Variants in OGFOD1 observed in about 807,000 individuals in gnomAD.
OGFOD1 encodes 2-oxoglutarate and iron dependent oxygenase domain containing 1, also known as prolyl 3-hydroxylase OGFOD1.
Under a neutral mutation model 67.7 loss-of-function variants are expected in OGFOD1, and 54 were observed. That is an observed-to-expected ratio of 0.80 (90% CI 0.64 to 1.00). The LOEUF is 1.00. Ranked by LOEUF, OGFOD1 falls within the 50% of genes least tolerant of loss-of-function variation. The pLI, the probability that OGFOD1 is intolerant of heterozygous loss-of-function variation, is 0.00. For synonymous variants in OGFOD1, 221 were observed against 227.0 expected (o/e 0.97, Z 0.24); for missense variants, 606 against 646.7 (o/e 0.94, Z 0.68).
chr16:56,465,772 C>T (rs1596975694), intron 4 of OGFOD1: 1 of 176,980 alleles, frequency 5.7e-6, no homozygotes, highest in East Asian at 1.7e-4. Context: ...AAAAGTGATA[C>T]CAAGTGTGTA....
At chr16:56,464,707 T>C (rs1962836561) in intron 4 of OGFOD1, among the ~76,000 whole-genome samples, 2 of 152,148 alleles carry the variant, frequency 1.3e-5, no homozygotes, top group South Asian at 4.1e-4. Flanking sequence ...TTTTGCTATG[T>C]CCCCATCATT....
chr16:56,467,276 C>A lies in OGFOD1; in HGVS notation c.769C>A (p.Pro257Thr), dbSNP rs763019510. The A allele has an allele frequency of 6.2e-7, 1 of 1,614,006 alleles. No individual in the cohort carries two copies. Among genetic ancestry groups the A allele is most frequent in the African/African-American group, 1.3e-5 (1 of 74,892 alleles). ...NYFEPPIPRSPHIPQDHEILY... is the reference protein window; with the variant it reads ...NYFEPPIPRSTHIPQDHEILY... ...CTTTGAACCCCCCATACCTCGGAGC[C>A]CTCACATCCCACAAGATGTAAGAAG... Residue 257 changes from proline (P) to threonine (T), a missense_variant, in exon 7 of 13, where the codon CCT (proline) becomes ACT (threonine). Transcript: ENST00000566157.
At chr16:56,471,017 A>G (rs113007383) in intron 10 of OGFOD1, among the ~76,000 whole-genome samples, 4 of 152,254 alleles carry the variant, frequency 2.6e-5, no homozygotes, top group African/African-American at 9.6e-5. Context: ...AAGTAATGAT[A>G]AGTGCTATGC....
intron 10 of OGFOD1, among the ~76,000 whole-genome samples, chr16:56,473,264 A>G (rs1963289315): frequency 6.6e-6 from 1 of 152,188 alleles, no homozygotes; most frequent in South Asian, 2.1e-4. Context: ...GCTTTCCAAC[A>G]TTGCATTTCT....
intron 8 of OGFOD1, among the ~76,000 whole-genome samples, 148 bp from the exon 9 acceptor site, chr16:56,469,850 CAAAAA>C (rs751278368): frequency 5.6e-5 from 3 of 53,322 alleles, no homozygotes; most frequent in Non-Finnish European, 1.1e-4. Flanking sequence ...AACTCCATCT[CAAAAA>C]AAAAAAAAAA....
At chr16:56,455,704 T>G (rs1261995077) in intron 2 of OGFOD1, among the ~76,000 whole-genome samples, 1 of 152,204 alleles carries the variant, frequency 6.6e-6, no homozygotes, top group Non-Finnish European at 1.5e-5. Context: ...TCTGTATTTT[T>G]TAAAGCAAGC....
chr16:56,455,575 C>T (rs1437756221), intron 2 of OGFOD1, among the ~76,000 whole-genome samples: 2 of 152,136 alleles, frequency 1.3e-5, no homozygotes, highest in Non-Finnish European at 1.5e-5. Context: ...CATTCTCCTG[C>T]TCCTTTAATC....
intron 3 of OGFOD1, chr16:56,458,873 C>A: frequency 2.4e-6 from 1 of 408,762 alleles, no homozygotes; most frequent in East Asian, 5.0e-5. Flanking sequence ...ACTGGAGATA[C>A]CATTTTTCAC....
intron 2 of OGFOD1, among the ~76,000 whole-genome samples, chr16:56,455,701 T>C (rs1236179864): frequency 6.6e-6 from 1 of 152,208 alleles, no homozygotes; most frequent in Non-Finnish European, 1.5e-5. Context: ...TATTCTGTAT[T>C]TTTTAAAGCA....
chr16:56,470,397 G>A (rs951061256), intron 9 of OGFOD1, 90 bp from the exon 10 acceptor site: 2 of 1,187,232 alleles, frequency 1.7e-6, no homozygotes, highest in African/African-American at 1.5e-5. Flanking sequence ...GATTTAGGAA[G>A]AGAGGTACAA....
chr16:56,456,469 T>C (rs1396234021), intron 2 of OGFOD1, among the ~76,000 whole-genome samples: 1 of 152,204 alleles, frequency 6.6e-6, no homozygotes, highest in Non-Finnish European at 1.5e-5. Context: ...CCTGCAGTTT[T>C]CCCCATCACA....
At chr16:56,459,331 G>C (rs1220503710) in intron 3 of OGFOD1, among the ~76,000 whole-genome samples, 1 of 147,526 alleles carries the variant, frequency 6.8e-6, no homozygotes, top group African/African-American at 2.5e-5. Context: ...ACAACAGCGA[G>C]ACTCCATCTC....
intron 8 of OGFOD1, among the ~76,000 whole-genome samples, chr16:56,469,646 G>C (rs142215197): frequency 6.6e-6 from 1 of 151,842 alleles, no homozygotes; most frequent in African/African-American, 2.4e-5. Context: ...CCTGAGGGTC[G>C]GGAGTTCGAG....
Position 56,474,810 on chromosome 16 carries a change from CT to C in OGFOD1, c.1286-7del, listed in dbSNP as rs746791513. 19,387 of 1,113,974 alleles carry C rather than the reference CT, an allele frequency of 0.017. 13 individuals are homozygous for C. Among genetic ancestry groups the C allele is most frequent in the African/African-American group, 0.034 (2,117 of 62,032 alleles). The allele number at this position is 1,113,974 out of a possible 1,614,324, so 69.0% of individuals were successfully genotyped here. A position where few individuals can be genotyped will look rare whatever the true frequency, so the allele number is the denominator to read the frequency against. ...AAGGTTATTTTTTAAAGTTTCTCAT[CT>C]TTTTTTTTTTCCTTAGAATCAAGTG... On this transcript the variant is annotated splice_polypyrimidine_tract_variant and intron_variant, in intron 10 of 12. Transcript: ENST00000566157.
At chr16:56,451,551 G>A, upstream of OGFOD1, 2 of 1,568,968 alleles carry the variant, frequency 1.3e-6, no homozygotes, top group South Asian at 1.1e-5. Context: ...GCCGGGAGTT[G>A]CAGTACCCTC....
intron 7 of OGFOD1, 36 bp from the exon 8 acceptor site, chr16:56,467,869 T>A (rs745539914): frequency 5.2e-6 from 5 of 956,712 alleles, no homozygotes; most frequent in Middle Eastern, 2.1e-4. Flanking sequence ...ATAGGAATTA[T>A]TAACTCACAT....
chr16:56,473,236 G>A (rs1963288038), intron 10 of OGFOD1, among the ~76,000 whole-genome samples: 1 of 152,164 alleles, frequency 6.6e-6, no homozygotes, highest in Non-Finnish European at 1.5e-5. Context: ...GGCCACCAAA[G>A]CAGTTTTACA....
intron 2 of OGFOD1, 69 bp from the exon 3 acceptor site, chr16:56,458,479 A>C (rs769344455): frequency 7.1e-7 from 1 of 1,408,442 alleles, no homozygotes; most frequent in African/African-American, 1.4e-5. Flanking sequence ...AACACTCACT[A>C]AACTGCTCTC....
In OGFOD1 at chr16:56,467,932, C is replaced by G. The variant is rs113552511; in HGVS notation, c.814C>G (p.Pro272Ala). The G allele has an allele frequency of 8.7e-6, 14 of 1,602,176 alleles. No individual in the cohort carries two copies. The African/African-American group carries it at 1.6e-4, about 18-fold the overall frequency. ...TGAGATTTTGTATGATTGGATCAACCCTACTTATCTGGACATGGATTACCA... is the reference window on the plus strand; with the variant it reads ...TGAGATTTTGTATGATTGGATCAACGCTACTTATCTGGACATGGATTACCA... ...DHEILYDWIN[P>A]TYLDMDYQVQ... is the part of the protein sequence containing the mutation. Residue 272 changes from proline to alanine, a missense_variant, in exon 8 of 13, where the codon CCT becomes GCT. Physicochemically the swap from Pro to Ala is conservative, Grantham distance 27. Transcript: ENST00000566157.
Sources: allele counts gnomAD v4.1 joint callset (sites outside exome capture counted in the v4.1 genomes callset), GRCh38; gene constraint gnomAD v4.1.1; transcripts MANE v1.5; gene names NCBI Gene and HGNC (gene_info 2026-07-23, HGNC 2026-07-21).